Variants in GRM1 observed in about 807,000 individuals in gnomAD.
GRM1 encodes metabotropic glutamate receptor 1.
GRM1 carries 33 observed loss-of-function variants against 90.9 expected under a neutral mutation model. The observed-to-expected ratio is 0.36, with a 90% CI of 0.28 to 0.49. GRM1 has a LOEUF of 0.49. Ranked by LOEUF, GRM1 falls within the 20% of genes least tolerant of loss-of-function variation. The pLI is 0.99. For synonymous variants in GRM1, 700 were observed against 613.2 expected, an observed-to-expected ratio of 1.14 and a Z score of -2.09; for missense variants, 1,190 against 1,534.3, an observed-to-expected ratio of 0.78 and a Z score of 3.75.
Position 146,281,831 on chromosome 6 carries a change from T to C in GRM1, c.951-22780T>C, listed in dbSNP as rs569843476. Among the ~76,000 whole-genome samples the C allele has an allele frequency of 2.0e-5, 3 of 152,342 alleles. No individual in the cohort carries two copies. The East Asian group carries it at 5.8e-4, about 29-fold the overall frequency. On this transcript the variant is annotated intron_variant, in intron 2 of 7. Coordinates refer to ENST00000282753, the MANE Select transcript of GRM1 (RefSeq NM_001278064.2). ...GATCCCATCTTGGCACACATCACCA[T>C]GGATTCTTAAACTATAAGAAGCTGC...
Position 146,322,180 on chromosome 6 carries a change from T to A in GRM1, c.1186+17334T>A, listed in dbSNP as rs532151678. Among the ~76,000 whole-genome samples, 11 of 152,332 alleles carry A rather than the reference T, an allele frequency of 7.2e-5. No homozygotes were observed. In the South Asian group the frequency reaches 2.1e-3, roughly 29 times the overall value. On this transcript the variant is annotated intron_variant, in intron 3 of 7. Coordinates refer to ENST00000282753, the MANE Select transcript of GRM1 (RefSeq NM_001278064.2). ...CCTCTGCTGCAGGTCTGCTGGAGTT[T>A]GCTGCAAGTCCACTCCAGACCCTGT...
chr6:146,394,587 G>T (rs1433490584), intron 6 of GRM1, among the ~76,000 whole-genome samples: 1 of 152,066 alleles, frequency 6.6e-6, no homozygotes, highest in Non-Finnish European at 1.5e-5. Context: ...AATCATCAGT[G>T]TATCAAGGTT....
At chr6:146,388,879 A>G (rs1776606760) in intron 6 of GRM1, among the ~76,000 whole-genome samples, 3 of 152,102 alleles carry the variant, frequency 2.0e-5, no homozygotes, top group Non-Finnish European at 4.4e-5. Context: ...GGACTCACCC[A>G]GGGTCATCGA....
At chr6:146,234,130 A>G (rs570444836) in intron 2 of GRM1, among the ~76,000 whole-genome samples, 11 of 152,050 alleles carry the variant, frequency 7.2e-5, no homozygotes, top group African/African-American at 2.6e-4. Context: ...TTATGGCTGA[A>G]TATTATTTCA....
At chr6:146,274,154 G>T (rs1479873048) in intron 2 of GRM1, among the ~76,000 whole-genome samples, 3 of 147,892 alleles carry the variant, frequency 2.0e-5, no homozygotes, top group African/African-American at 8.0e-5. Flanking sequence ...GCCATTCAAA[G>T]AGGAACCAAA....
chr6:146,350,535 G>A (rs949250182), intron 3 of GRM1, among the ~76,000 whole-genome samples: 4 of 151,752 alleles, frequency 2.6e-5, no homozygotes, highest in Non-Finnish European at 4.4e-5. Context: ...AGCATTTGGG[G>A]TTCTAGGCGA....
In GRM1 at chr6:146,360,836, A is replaced by G. The variant is rs530270801; in HGVS notation, c.1602+3142A>G. Reference sequence around the variant, plus strand: ...TCCTAGAGAAACAAGAATAAGGGGGAAAGGGAAGTGAGGTATGGAAGGATG... The same window carrying G: ...TCCTAGAGAAACAAGAATAAGGGGGGAAGGGAAGTGAGGTATGGAAGGATG... On this transcript the variant is annotated intron_variant, in intron 5 of 7. Coordinates refer to ENST00000282753, the MANE Select transcript of GRM1 (RefSeq NM_001278064.2). Among the ~76,000 whole-genome samples, 3 of 152,244 alleles carry G rather than the reference A, an allele frequency of 2.0e-5. No homozygotes were observed. In the East Asian group the frequency reaches 5.8e-4, roughly 29 times the overall value.
intron 1 of GRM1, among the ~76,000 whole-genome samples, chr6:146,047,018 T>C (rs1486027674): frequency 6.6e-6 from 1 of 151,986 alleles, no homozygotes; most frequent in Non-Finnish European, 1.5e-5. Flanking sequence ...AATAAAATCA[T>C]GTAAATCAGG....
chr6:146,087,234 A>G (rs1451235315), intron 1 of GRM1, among the ~76,000 whole-genome samples: 2 of 151,982 alleles, frequency 1.3e-5, no homozygotes, highest in African/African-American at 4.8e-5. Context: ...TGTCTTAATT[A>G]TTTTATCTTT....
At chr6:146,384,030 C>A (rs1337258810) in intron 5 of GRM1, among the ~76,000 whole-genome samples, 5 of 152,052 alleles carry the variant, frequency 3.3e-5, no homozygotes, top group Non-Finnish European at 5.9e-5. Flanking sequence ...GACAGAAAGA[C>A]AGAAATAATT....
chr6:146,159,623 TC>T, intron 2 of GRM1, 26 bp downstream of exon 2: 1 of 1,495,736 alleles, frequency 6.7e-7, no homozygotes, highest in East Asian at 2.3e-5. Flanking sequence ...TCTCTCTCTC[TC>T]TCTCTCTCTC....
chr6:146,258,728 G>T (rs917927427), intron 2 of GRM1, among the ~76,000 whole-genome samples: 2 of 151,976 alleles, frequency 1.3e-5, no homozygotes, highest in Non-Finnish European at 2.9e-5. Flanking sequence ...TTGCTCAGGG[G>T]CCCCATGTGT....
chr6:146,387,261 T>C (rs1004319321), intron 6 of GRM1, among the ~76,000 whole-genome samples: 3 of 152,116 alleles, frequency 2.0e-5, no homozygotes, highest in African/African-American at 7.2e-5. Context: ...ATTATAGAGT[T>C]GTTTTCTGTT....
intron 2 of GRM1, among the ~76,000 whole-genome samples, chr6:146,202,645 T>TC (rs1459887424): frequency 6.6e-6 from 1 of 152,178 alleles, no homozygotes; most frequent in Non-Finnish European, 1.5e-5. Context: ...TTCTCGTTTT[T>TC]CTCTAGGCTA....
intron 2 of GRM1, among the ~76,000 whole-genome samples, chr6:146,221,485 G>A (rs567908732): frequency 3.5e-4 from 53 of 152,210 alleles, no homozygotes; most frequent in African/African-American, 1.2e-3. Context: ...TGAGAATGAT[G>A]GTTTCCAGCT....
At chr6:146,266,455 C>T (rs1297569916) in intron 2 of GRM1, among the ~76,000 whole-genome samples, 1 of 151,822 alleles carries the variant, frequency 6.6e-6, no homozygotes, top group East Asian at 1.9e-4. Flanking sequence ...TAATTAGTTC[C>T]ATCATATTTT....
chr6:146,161,506 A>T (rs1777725660), intron 2 of GRM1, among the ~76,000 whole-genome samples: 2 of 152,158 alleles, frequency 1.3e-5, no homozygotes, highest in Admixed American at 6.5e-5. Context: ...CTTGTCTATG[A>T]ACAGGTCAGC....
chr6:146,321,127 T>C (rs1192625773), intron 3 of GRM1, among the ~76,000 whole-genome samples: 1 of 152,178 alleles, frequency 6.6e-6, no homozygotes, highest in African/African-American at 2.4e-5. Flanking sequence ...AAACTTCCCT[T>C]TAAACACTGC....
intron 2 of GRM1, among the ~76,000 whole-genome samples, chr6:146,243,856 G>C (rs1289953354): frequency 6.6e-6 from 1 of 152,014 alleles, no homozygotes; most frequent in African/African-American, 2.4e-5. Context: ...ATCTACATCC[G>C]TATAAGACAG....
Sources: allele counts gnomAD v4.1 joint callset (sites outside exome capture counted in the v4.1 genomes callset), GRCh38; gene constraint gnomAD v4.1.1; transcripts MANE v1.5; gene names NCBI Gene and HGNC (gene_info 2026-07-23, HGNC 2026-07-21).